TOX3: variants seen among roughly 807,000 people sequenced by gnomAD.
The protein encoded by TOX3 is TOX high mobility group box family member 3.
TOX3 carries 22 observed loss-of-function variants against 64.3 expected under a neutral mutation model. The observed-to-expected ratio is 0.34, with a 90% CI of 0.24 to 0.49. TOX3 has a LOEUF of 0.49. TOX3 is among the 20% of genes least tolerant of loss of function. The pLI is 0.99. For synonymous variants in TOX3, 291 were observed against 273.6 expected, an observed-to-expected ratio of 1.06 and a Z score of -0.63; for missense variants, 661 against 714.4, an observed-to-expected ratio of 0.93 and a Z score of 0.85.
chr16:52,445,870 C>T (rs1960147093), intron 5 of TOX3, 124 bp downstream of exon 5: 5 of 910,948 alleles, frequency 5.5e-6, no homozygotes, highest in Admixed American at 2.9e-5. Context: ...AATTCCATTG[C>T]TTAGAAAAGG....
Position 52,439,418 on chromosome 16 carries a change from C to G in TOX3, c.1538G>C (p.Arg513Pro). 1 of 1,555,280 alleles carries G rather than the reference C, an allele frequency of 6.4e-7. No homozygotes were observed. The highest frequency in any genetic ancestry group is 8.8e-7 in the Non-Finnish European group (1 of 1,142,488). Residue 513 changes from arginine (R) to proline (P), a missense_variant, in exon 7 of 7, where the codon CGC (arginine) becomes CCC (proline). By Grantham distance (103) the Arg-to-Pro change is moderately radical. Around this residue, in one of 3 missense-constraint regions of TOX3, gnomAD observed 299 missense variants for 292.1 expected, o/e 1.02. Transcript: ENST00000219746. ...GTGTTGCAGCTGCTGCAGCTGGAGG[C>G]GCTGCTGCAGCTGCTGCTGCAGCTG... ...QQQLQQQLQQRLQLQQLQHMQ... is the reference protein window; with the variant it reads ...QQQLQQQLQQPLQLQQLQHMQ...
At chr16:52,521,440 T>C (rs1176740812) in intron 1 of TOX3, among the ~76,000 whole-genome samples, 2 of 151,922 alleles carry the variant, frequency 1.3e-5, no homozygotes, top group East Asian at 3.9e-4. Context: ...GGTTGTAGTA[T>C]TCAGCTGGAA....
intron 6 of TOX3, among the ~76,000 whole-genome samples, chr16:52,441,013 C>T (rs1054627963): frequency 2.0e-5 from 3 of 152,146 alleles, no homozygotes; most frequent in East Asian, 1.9e-4. Flanking sequence ...CTGCCCACCT[C>T]GGCCTCCCAA....
chr16:52,512,426 G>A (rs1412056829), intron 1 of TOX3, among the ~76,000 whole-genome samples: 5 of 152,120 alleles, frequency 3.3e-5, no homozygotes, highest in African/African-American at 9.7e-5. Flanking sequence ...ATGAACCTCT[G>A]TTTTCTATTT....
chr16:52,545,820 G>A (rs1963164735), intron 1 of TOX3, among the ~76,000 whole-genome samples: 1 of 152,118 alleles, frequency 6.6e-6, no homozygotes, highest in South Asian at 2.1e-4. Context: ...TGCGACTCTC[G>A]CCCGCCTCGC....
intron 1 of TOX3, among the ~76,000 whole-genome samples, chr16:52,505,536 A>G (rs1023562434): frequency 6.6e-6 from 1 of 152,228 alleles, no homozygotes; most frequent in Non-Finnish European, 1.5e-5. Flanking sequence ...GTTTTCATGA[A>G]GCTCGTGACT....
At chr16:52,527,111 G>C (rs1962743142) in intron 1 of TOX3, among the ~76,000 whole-genome samples, 1 of 152,102 alleles carries the variant, frequency 6.6e-6, no homozygotes, top group South Asian at 2.1e-4. Flanking sequence ...ATAAATATTT[G>C]AGGAATGAAT....
At chr16:52,474,018 C>T (rs1038761087) in intron 1 of TOX3, among the ~76,000 whole-genome samples, 1 of 152,182 alleles carries the variant, frequency 6.6e-6, no homozygotes, top group African/African-American at 2.4e-5. Flanking sequence ...GAGCACCACA[C>T]TCGTACATCC....
intron 2 of TOX3, among the ~76,000 whole-genome samples, chr16:52,465,045 C>T (rs1193204832): frequency 4.1e-5 from 4 of 97,414 alleles, no homozygotes; most frequent in South Asian, 3.6e-4. Flanking sequence ...GACAGAGTCT[C>T]GCTCTGTCTC....
In TOX3 at chr16:52,439,373, G is replaced by A. The variant is rs761352778; in HGVS notation, c.1583C>T (p.Pro528Leu). The A allele has an allele frequency of 6.2e-7, 1 of 1,603,958 alleles. No homozygotes were observed. Among genetic ancestry groups the A allele is most frequent in the South Asian group, 1.1e-5 (1 of 89,996 alleles). Residue 528 changes from proline to leucine, a missense_variant, in exon 7 of 7, where the codon CCT becomes CTT. Physicochemically the swap from Pro to Leu is moderately conservative, Grantham distance 98. Transcript: ENST00000219746. Reference protein sequence around the residue: ...QLQHMQHQSQPSPRQHSPVAS... With the variant: ...QLQHMQHQSQLSPRQHSPVAS... ...GACAGGGGAGTGCTGCCGAGGAGAA[G>A]GCTGAGACTGGTGCTGCATGTGTTG... is the stretch of plus-strand genomic sequence containing the variant.
chr16:52,537,304 C>T (rs1962972438), intron 1 of TOX3, among the ~76,000 whole-genome samples: 1 of 152,130 alleles, frequency 6.6e-6, no homozygotes, highest in Non-Finnish European at 1.5e-5. Flanking sequence ...AACCACATCT[C>T]CCACCATGGA....
intron 2 of TOX3, among the ~76,000 whole-genome samples, chr16:52,464,444 A>T (rs989595360): frequency 6.6e-6 from 1 of 152,310 alleles, no homozygotes; most frequent in African/African-American, 2.4e-5. Context: ...TGCCTACTTA[A>T]TTAGCAACAT....
intron 1 of TOX3, among the ~76,000 whole-genome samples, chr16:52,482,470 T>A (rs774548278): frequency 5.3e-5 from 8 of 152,156 alleles, no homozygotes; most frequent in Non-Finnish European, 1.2e-4. Context: ...TATCAAGTTG[T>A]AAATGCAAAA....
chr16:52,476,036 C>G (rs1567325193), intron 1 of TOX3, among the ~76,000 whole-genome samples: 1 of 152,178 alleles, frequency 6.6e-6, no homozygotes, highest in East Asian at 1.9e-4. Context: ...TGATAGAGCA[C>G]AGGCTGTTTT....
At chr16:52,530,935 G>C (rs1189632832) in intron 1 of TOX3, among the ~76,000 whole-genome samples, 1 of 152,146 alleles carries the variant, frequency 6.6e-6, no homozygotes, top group Non-Finnish European at 1.5e-5. Context: ...TCTTGTACCT[G>C]TTTAAAGCTC....
At chr16:52,490,621 A>G (rs1225429788) in intron 1 of TOX3, among the ~76,000 whole-genome samples, 3 of 82,194 alleles carry the variant, frequency 3.6e-5, no homozygotes, top group African/African-American at 5.7e-5. Flanking sequence ...TCCTTCTAGG[A>G]TGTAATTTTT....
intron 3 of TOX3, among the ~76,000 whole-genome samples, chr16:52,451,770 T>G (rs936915888): frequency 2.0e-5 from 3 of 152,232 alleles, no homozygotes; most frequent in African/African-American, 7.2e-5. Flanking sequence ...ACTAGTTGAA[T>G]AAATTATGGT....
intron 1 of TOX3, among the ~76,000 whole-genome samples, chr16:52,524,576 C>A (rs1011765921): frequency 2.6e-5 from 4 of 152,120 alleles, no homozygotes; most frequent in Non-Finnish European, 5.9e-5. Context: ...CTCTTCAGTG[C>A]CCTCCCCTTC....
chr16:52,536,639 A>G (rs1962951085), intron 1 of TOX3, among the ~76,000 whole-genome samples: 1 of 60,620 alleles, frequency 1.6e-5, no homozygotes, highest in Non-Finnish European at 3.2e-5. Context: ...ATATATATAT[A>G]TATATATATA....
Sources: gnomAD v4.1 joint callset for allele counts (sites outside exome capture counted in the v4.1 genomes callset) on GRCh38, gnomAD v4.1.1 for gene constraint, gnomAD v4.1.1 regional missense constraint, MANE v1.5 for transcripts, NCBI Gene and HGNC (gene_info 2026-07-23, HGNC 2026-07-21) for gene names.